COL19A1: variants seen among roughly 807,000 people sequenced by gnomAD.
The protein encoded by COL19A1 is collagen alpha-1(XIX) chain.
COL19A1 carries 159 observed loss-of-function variants against 190.2 expected under a neutral mutation model. The ratio of observed to expected loss-of-function variants is 0.84; its 90% CI spans 0.73 to 0.95. The LOEUF is 0.95. Among genes scored for constraint, COL19A1 ranks in the 40% least tolerant of loss-of-function variants. COL19A1 has a pLI of 0.00. For missense variants in COL19A1, 1,418 were observed against 1,431.9 expected, an observed-to-expected ratio of 0.99 and a Z score of 0.16; for synonymous variants, 509 against 458.9, an observed-to-expected ratio of 1.11 and a Z score of -1.39.
chr6:70,196,436 T>C (rs1767200905), intron 48 of COL19A1, among the ~76,000 whole-genome samples: 2 of 152,214 alleles, frequency 1.3e-5, no homozygotes, highest in African/African-American at 4.8e-5. Context: ...TAAATTGAAG[T>C]TATACCAAGA....
chr6:70,044,595 T>C (rs980990096), intron 14 of COL19A1, among the ~76,000 whole-genome samples: 3 of 152,194 alleles, frequency 2.0e-5, no homozygotes, highest in Admixed American at 6.5e-5. Flanking sequence ...TTCAATATTG[T>C]TGTTCCTTAG....
Position 70,023,678 on chromosome 6 carries a change from A to T in COL19A1, c.1078A>T (p.Asn360Tyr), listed in dbSNP as rs747314003. 4.3e-6 allele frequency: 7 copies of T among 1,610,122 alleles called. No individual in the cohort carries two copies. Among genetic ancestry groups the T allele is most frequent in the Non-Finnish European group, 5.9e-6 (7 of 1,178,648 alleles). Residue 360 changes from asparagine to tyrosine, a missense_variant and splice_region_variant, in exon 12 of 51, where the codon AAT (asparagine) becomes TAT (tyrosine). Transcript: ENST00000620364. ...DPALAGLNGE[N>Y]GLKGDLGPHG... ...AGCTCTGGCTGGCCTTAATGGAGAA[A>T]ATGTAAGCCTAACTCTTTTTTCTGA...
chr6:69,885,466 GTTAC>G (rs1353109335), intron 2 of COL19A1, among the ~76,000 whole-genome samples: 2 of 152,118 alleles, frequency 1.3e-5, no homozygotes, highest in African/African-American at 4.8e-5. Context: ...ACCTCACGTA[GTTAC>G]TTATTTTTGT....
intron 19 of COL19A1, 45 bp downstream of exon 19, chr6:70,137,792 C>T (rs748842683): frequency 3.2e-5 from 51 of 1,590,182 alleles, no homozygotes; most frequent in South Asian, 6.7e-5. Flanking sequence ...ATCTAAAAAA[C>T]GGGATTAAAA....
intron 16 of COL19A1, among the ~76,000 whole-genome samples, chr6:70,111,957 C>T (rs1784310473): frequency 6.6e-6 from 1 of 152,162 alleles, no homozygotes. Flanking sequence ...GTGCCACCAG[C>T]CTGGTTATCT....
intron 9 of COL19A1, among the ~76,000 whole-genome samples, chr6:69,941,230 C>G (rs557793771): frequency 1.8e-4 from 27 of 152,258 alleles, no homozygotes; most frequent in Admixed American, 3.9e-4. Context: ...TGAATCCTCT[C>G]CACCTCTTAC....
chr6:70,168,114 C>A lies in COL19A1; in HGVS notation c.2496+39C>A, dbSNP rs185447718. 6.3e-6 allele frequency: 10 copies of A among 1,596,726 alleles called. No homozygotes were observed. The African/African-American group carries it at 9.4e-5, about 15-fold the overall frequency. On this transcript the variant is annotated intron_variant, in intron 38 of 50. Coordinates refer to ENST00000620364, the MANE Select transcript of COL19A1 (RefSeq NM_001858.6). ...TAATTATTTAAAATCCAGTTATAGA[C>A]TGCTGTAAATTCGTCTCATCTTTCT...
chr6:70,074,153 C>T (rs1781720704), intron 15 of COL19A1, among the ~76,000 whole-genome samples: 1 of 152,046 alleles, frequency 6.6e-6, no homozygotes, highest in South Asian at 2.1e-4. Context: ...TAGAACACAG[C>T]AAGACAGTAA....
intron 17 of COL19A1, among the ~76,000 whole-genome samples, chr6:70,124,628 T>A (rs941940654): frequency 6.6e-6 from 1 of 152,002 alleles, no homozygotes; most frequent in East Asian, 1.9e-4. Flanking sequence ...ACCAGTACTT[T>A]GAACTTAATT....
intron 27 of COL19A1, among the ~76,000 whole-genome samples, chr6:70,148,200 G>T (rs772736890): frequency 6.6e-6 from 1 of 151,718 alleles, no homozygotes; most frequent in East Asian, 1.9e-4. Flanking sequence ...TTCAGAGAAC[G>T]CGGGGTGGGC....
chr6:70,112,908 C>A (rs539889920), intron 16 of COL19A1, among the ~76,000 whole-genome samples: 1 of 152,278 alleles, frequency 6.6e-6, no homozygotes, highest in East Asian at 1.9e-4. Context: ...CAGACAAGCC[C>A]AGCTCAAGTG....
At chr6:69,906,156 G>C (rs950692792) in intron 4 of COL19A1, among the ~76,000 whole-genome samples, 10 of 152,240 alleles carry the variant, frequency 6.6e-5, no homozygotes, top group Admixed American at 6.5e-4. Flanking sequence ...TCTCTATCTA[G>C]CTTCCATTAG....
At chr6:70,069,813 T>C (rs530073687) in intron 15 of COL19A1, among the ~76,000 whole-genome samples, 108 of 152,310 alleles carry the variant, frequency 7.1e-4, no homozygotes, top group African/African-American at 2.5e-3. Context: ...TTAAATTTCA[T>C]CTTTATTGAT....
chr6:69,978,864 G>GA (rs1408491807), intron 11 of COL19A1, among the ~76,000 whole-genome samples: 2 of 150,544 alleles, frequency 1.3e-5, no homozygotes, highest in African/African-American at 4.9e-5. Flanking sequence ...ACAGAAAATA[G>GA]AAAAAAGACA....
In COL19A1 at chr6:70,212,362, C is replaced by A. The variant is rs1238244066; in HGVS notation, c.*5088C>A. ...CAATGGCATTAGTTTTATTCAAAAT[C>A]CCACATGGGCATAATGCTTTGAGGC... On this transcript the variant is annotated 3_prime_UTR_variant, in exon 51 of 51. Transcript: ENST00000620364. Among the ~76,000 whole-genome samples the A allele has an allele frequency of 6.6e-6, 1 of 152,152 alleles. No individual in the cohort carries two copies. Among genetic ancestry groups the A allele is most frequent in the Admixed American group, 6.5e-5 (1 of 15,272 alleles).
intron 16 of COL19A1, among the ~76,000 whole-genome samples, chr6:70,103,431 C>T (rs1187846825): frequency 6.6e-6 from 1 of 152,156 alleles, no homozygotes; most frequent in East Asian, 1.9e-4. Context: ...TTAAAATTCT[C>T]TAAAAGCTTA....
intron 48 of COL19A1, 135 bp downstream of exon 48, chr6:70,190,516 G>A (rs1583131811): frequency 1.6e-6 from 1 of 618,776 alleles, no homozygotes; most frequent in Non-Finnish European, 2.9e-6. Flanking sequence ...ATTTTATGAT[G>A]GGACAGCTCT....
intron 31 of COL19A1, among the ~76,000 whole-genome samples, chr6:70,154,189 A>G (rs1385516161): frequency 7.4e-6 from 1 of 135,088 alleles, no homozygotes; most frequent in African/African-American, 2.8e-5. Flanking sequence ...GCTCCCACTT[A>G]TGAGTGAGAA....
At chr6:70,004,441 C>T (rs2150087497) in intron 11 of COL19A1, among the ~76,000 whole-genome samples, 1 of 152,274 alleles carries the variant, frequency 6.6e-6, no homozygotes, top group Middle Eastern at 3.4e-3. Flanking sequence ...TGAGGAAGTT[C>T]TCCTGTATAG....
Sources: gnomAD v4.1 joint callset for allele counts (sites outside exome capture counted in the v4.1 genomes callset) on GRCh38, gnomAD v4.1.1 for gene constraint, MANE v1.5 for transcripts, NCBI Gene and HGNC (gene_info 2026-07-23, HGNC 2026-07-21) for gene names.